DNAH3: variants seen among roughly 807,000 people sequenced by gnomAD.
The protein encoded by DNAH3 is dynein axonemal heavy chain 3.
DNAH3 carries 332 observed loss-of-function variants against 432.5 expected under a neutral mutation model. That is an observed-to-expected ratio of 0.77 (90% confidence interval 0.70 to 0.84). The LOEUF is 0.84. Ranked by LOEUF, DNAH3 falls within the 40% of genes least tolerant of loss-of-function variation. DNAH3 has a pLI of 0.00. For missense variants in DNAH3, 4,861 were observed against 5,114.0 expected (o/e 0.95, Z 1.51); for synonymous variants, 1,956 against 1,900.2 (o/e 1.03, Z -0.76).
intron 20 of DNAH3, among the ~76,000 whole-genome samples, chr16:21,081,415 T>C (rs1389401977): frequency 6.6e-6 from 1 of 150,422 alleles, no homozygotes; most frequent in Non-Finnish European, 1.5e-5. Flanking sequence ...ATAAAATCCA[T>C]GACTCAATTT....
At chr16:21,132,254 C>T (rs1328810957) in intron 7 of DNAH3, among the ~76,000 whole-genome samples, 5 of 152,178 alleles carry the variant, frequency 3.3e-5, no homozygotes, top group Admixed American at 6.5e-5. Context: ...TAAGACTGAA[C>T]ACGTTCAAAG....
At chr16:21,030,103 C>T (rs1463619535) in intron 37 of DNAH3, among the ~76,000 whole-genome samples, 2 of 152,112 alleles carry the variant, frequency 1.3e-5, no homozygotes, top group South Asian at 2.1e-4. Flanking sequence ...TAGGATTACA[C>T]GTGTGAGCCT....
At position 21,069,402 on chromosome 16, in the gene DNAH3, T is replaced by C; in HGVS notation, c.3381+13A>G. ...TTTCTGCTGGTAAGAGTTATTAGGG[T>C]ATAAAAACTTACCGCTTGGGACATA... On this transcript the variant is annotated intron_variant, in intron 23 of 61. Transcript: ENST00000261383. 6.2e-7 allele frequency: 1 copy of C among 1,610,106 alleles called. No individual in the cohort carries two copies. Among genetic ancestry groups the C allele is most frequent in the Non-Finnish European group, 8.5e-7 (1 of 1,177,468 alleles).
intron 12 of DNAH3, among the ~76,000 whole-genome samples, chr16:21,116,454 C>T (rs1051336831): frequency 2.0e-5 from 3 of 152,074 alleles, no homozygotes; most frequent in Admixed American, 2.0e-4. Flanking sequence ...CCTGCTGCCA[C>T]GAGAAGAAGG....
intron 42 of DNAH3, 115 bp downstream of exon 42, chr16:21,002,989 T>C (rs1411161613): frequency 1.1e-5 from 8 of 734,344 alleles, no homozygotes; most frequent in Non-Finnish European, 1.9e-5. Context: ...TGTTTAAATA[T>C]TTTTCTAAAG....
At chr16:21,101,312 C>CA (rs1419729903) in intron 16 of DNAH3, among the ~76,000 whole-genome samples, 1 of 152,084 alleles carries the variant, frequency 6.6e-6, no homozygotes, top group East Asian at 1.9e-4. Context: ...ATCAGAAAGT[C>CA]AAAGAATCGT....
At chr16:21,142,665 T>C (rs923629236) in intron 3 of DNAH3, among the ~76,000 whole-genome samples, 11 of 151,504 alleles carry the variant, frequency 7.3e-5, no homozygotes, top group African/African-American at 1.2e-4. Flanking sequence ...TTTTTTTTTT[T>C]TTTTTTGAGA....
At chr16:20,982,204 C>T (rs929722324) in intron 49 of DNAH3, among the ~76,000 whole-genome samples, 5 of 151,720 alleles carry the variant, frequency 3.3e-5, no homozygotes, top group East Asian at 1.9e-4. Context: ...GCCAACATGG[C>T]GAAACCCCAT....
intron 53 of DNAH3, among the ~76,000 whole-genome samples, chr16:20,960,666 C>A (rs1191453233): frequency 1.3e-5 from 2 of 152,192 alleles, no homozygotes; most frequent in Middle Eastern, 3.2e-3. Context: ...GATCACGCCA[C>A]TGCACTCTGG....
At chr16:21,003,564 G>C (rs1456122171) in intron 41 of DNAH3, among the ~76,000 whole-genome samples, 1 of 152,154 alleles carries the variant, frequency 6.6e-6, no homozygotes, top group African/African-American at 2.4e-5. Flanking sequence ...CCTGAAGTCA[G>C]GGGTTCGAGA....
At chr16:21,155,109 C>A (rs1469491676) in intron 1 of DNAH3, among the ~76,000 whole-genome samples, 2 of 151,814 alleles carry the variant, frequency 1.3e-5, no homozygotes, top group African/African-American at 4.8e-5. Flanking sequence ...GCTAACACAC[C>A]TGGCTTATTT....
chr16:21,129,977 C>T (rs966333255), intron 7 of DNAH3: 9 of 151,110 alleles, frequency 6.0e-5, no homozygotes, highest in Non-Finnish European at 1.2e-4. Flanking sequence ...CTGTTTTCCC[C>T]CTAGAAAAAT....
intron 10 of DNAH3, among the ~76,000 whole-genome samples, chr16:21,121,354 A>C (rs1037962123): frequency 5.3e-5 from 8 of 152,250 alleles, no homozygotes. Context: ...TGGGCCAGGA[A>C]AGGAATGGTT....
intron 49 of DNAH3, among the ~76,000 whole-genome samples, chr16:20,981,792 C>CA (rs1161259055): frequency 6.6e-6 from 1 of 151,684 alleles, no homozygotes; most frequent in Non-Finnish European, 1.5e-5. Flanking sequence ...TGCCAAGCAC[C>CA]TTCTAGAAAC....
At chr16:21,075,637 G>C in intron 20 of DNAH3, 76 bp from the exon 21 acceptor site, 1 of 1,141,236 alleles carries the variant, frequency 8.8e-7, no homozygotes, top group Non-Finnish European at 1.3e-6. Flanking sequence ...TTCAGGCCAG[G>C]CATGGTGGCT....
At chr16:21,096,409 G>A (rs2091681687) in intron 18 of DNAH3, among the ~76,000 whole-genome samples, 1 of 152,080 alleles carries the variant, frequency 6.6e-6, no homozygotes, top group Admixed American at 6.6e-5. Context: ...TGGGACTACA[G>A]GTGTGAGCCA....
intron 52 of DNAH3, among the ~76,000 whole-genome samples, chr16:20,967,106 C>A (rs2085098915): frequency 6.6e-6 from 1 of 152,110 alleles, no homozygotes; most frequent in South Asian, 2.1e-4. Flanking sequence ...TCAAATGTGT[C>A]CCATTCCTAA....
At chr16:21,015,458 T>G (rs2087810779) in intron 41 of DNAH3, among the ~76,000 whole-genome samples, 1 of 152,194 alleles carries the variant, frequency 6.6e-6, no homozygotes, top group Non-Finnish European at 1.5e-5. Flanking sequence ...GAAACTATCC[T>G]GCATGATTCT....
intron 5 of DNAH3, 188 bp downstream of exon 6, chr16:21,140,348 C>T (rs2092702749): frequency 1.8e-6 from 1 of 550,508 alleles, no homozygotes; most frequent in Non-Finnish European, 3.2e-6. Flanking sequence ...CACACACTCT[C>T]TCTCCTTCTC....
Sources: allele counts gnomAD v4.1 joint callset (sites outside exome capture counted in the v4.1 genomes callset), GRCh38; gene constraint gnomAD v4.1.1; transcripts MANE v1.5; gene names NCBI Gene and HGNC (gene_info 2026-07-23, HGNC 2026-07-21).